KIF26B: variants seen among roughly 807,000 people sequenced by gnomAD.
KIF26B encodes the protein kinesin-like protein KIF26B.
Under a neutral mutation model 151.2 loss-of-function variants are expected in KIF26B, and 63 were observed. That is an observed-to-expected ratio of 0.42 (90% confidence interval 0.34 to 0.51). The LOEUF (loss-of-function observed/expected upper bound fraction) is 0.51, where lower values mean the gene tolerates loss of function less well. Ranked by LOEUF, KIF26B falls within the 20% of genes least tolerant of loss-of-function variation. The pLI is 0.07. For missense variants in KIF26B, 2,813 were observed against 2,913.6 expected (o/e 0.97, Z 0.79); for synonymous variants, 1,357 against 1,262.1 (o/e 1.08, Z -1.59).
At chr1:245,322,797 A>G (rs1200629924) in intron 2 of KIF26B, among the ~76,000 whole-genome samples, 1 of 152,240 alleles carries the variant, frequency 6.6e-6, no homozygotes, top group Admixed American at 6.5e-5. Context: ...TTAAAAAGGT[A>G]ACCGAGGGTC....
chr1:245,472,742 T>G (rs2103064610), intron 4 of KIF26B, among the ~76,000 whole-genome samples: 1 of 152,346 alleles, frequency 6.6e-6, no homozygotes, highest in South Asian at 2.1e-4. Flanking sequence ...GAACTCCTTC[T>G]TACTTTTCAA....
chr1:245,549,431 A>G (rs1023246699), intron 5 of KIF26B, among the ~76,000 whole-genome samples: 1 of 152,244 alleles, frequency 6.6e-6, no homozygotes, highest in Non-Finnish European at 1.5e-5. Context: ...CAGCACAATT[A>G]GACCATTACT....
At chr1:245,406,443 AGTTTC>A (rs1674136928) in intron 3 of KIF26B, among the ~76,000 whole-genome samples, 1 of 152,122 alleles carries the variant, frequency 6.6e-6, no homozygotes, top group African/African-American at 2.4e-5. Flanking sequence ...TTGCCTTGAA[AGTTTC>A]CCAAGCATTA....
chr1:245,635,215 T>C lies in KIF26B; in HGVS notation c.2099-10906T>C, dbSNP rs1002555729. 1.3e-5 allele frequency among the ~76,000 whole-genome samples: 2 copies of C among 151,858 alleles called. 1 individual carries two copies. On this transcript the variant is annotated intron_variant, in intron 9 of 14. Coordinates refer to ENST00000407071, the MANE Select transcript of KIF26B (RefSeq NM_018012.4). ...AAGACTTTGAGTAGAACTGTTATTA[T>C]TTCTTCCTTAAATGGTGGGTAGAAT...
intron 2 of KIF26B, among the ~76,000 whole-genome samples, chr1:245,284,193 G>A (rs1428711204): frequency 2.0e-5 from 3 of 151,986 alleles, no homozygotes; most frequent in African/African-American, 4.8e-5. Flanking sequence ...TTTTATCAAT[G>A]GTATATAGTA....
chr1:245,697,259 C>G (rs2044707524), intron 12 of KIF26B, among the ~76,000 whole-genome samples: 1 of 152,208 alleles, frequency 6.6e-6, no homozygotes, highest in African/African-American at 2.4e-5. Flanking sequence ...CGTCAGTCCC[C>G]TGTACCATGC....
chr1:245,405,524 A>G (rs1160201884), intron 3 of KIF26B, among the ~76,000 whole-genome samples: 1 of 152,144 alleles, frequency 6.6e-6, no homozygotes, highest in Non-Finnish European at 1.5e-5. Flanking sequence ...TCATTTGGGT[A>G]GAACTGAGCC....
At chr1:245,531,341 C>T (rs1325809762) in intron 4 of KIF26B, among the ~76,000 whole-genome samples, 1 of 152,098 alleles carries the variant, frequency 6.6e-6, no homozygotes, top group Non-Finnish European at 1.5e-5. Context: ...AGGATGGAAA[C>T]ACGAATGCAA....
At chr1:245,635,319 C>T (rs2043823501) in intron 9 of KIF26B, among the ~76,000 whole-genome samples, 1 of 151,894 alleles carries the variant, frequency 6.6e-6, no homozygotes, top group Non-Finnish European at 1.5e-5. Context: ...TTTAATGAAT[C>T]TAGGGCCATT....
chr1:245,455,540 A>G (rs771112557), intron 4 of KIF26B, among the ~76,000 whole-genome samples: 3 of 152,172 alleles, frequency 2.0e-5, no homozygotes, highest in Non-Finnish European at 2.9e-5. Flanking sequence ...AACACACAAA[A>G]AAACATACTG....
chr1:245,367,283 T>C lies in KIF26B; in HGVS notation c.915T>C (p.Asn305=), dbSNP rs577512351. 12 of 1,600,504 alleles carry C rather than the reference T, an allele frequency of 7.5e-6. No homozygotes were observed. The African/African-American group carries it at 1.5e-4, about 20-fold the overall frequency. The change falls in exon 3 of 15, where the codon AAT becomes AAC. Residue 305 remains asparagine (N), a synonymous_variant. Transcript: ENST00000407071. This position sits in a 1 kb window ranked among gnomAD's most constrained non-coding sequence, Gnocchi z 4.2. ...GTCCAAGCAATGGGAACATCCTCAA[T>C]TCGGTGGCCATCCAGGCTCACCAGT... ...ATSPSNGNIL[N]SVAIQAHQYL... is the part of the protein sequence containing the mutation.
intron 2 of KIF26B, among the ~76,000 whole-genome samples, chr1:245,258,470 A>C (rs929713110): frequency 2.6e-5 from 4 of 152,182 alleles, no homozygotes; most frequent in African/African-American, 9.7e-5. Context: ...GTGGGCAAAC[A>C]GTGGTGTTGG....
At chr1:245,600,291 G>T in intron 5 of KIF26B, among the ~76,000 whole-genome samples, 1 of 142,564 alleles carries the variant, frequency 7.0e-6, no homozygotes, top group Middle Eastern at 3.5e-3. Context: ...GCCCGCCTCG[G>T]CCTCCCAAAG....
chr1:245,451,676 C>T (rs1293294019), intron 4 of KIF26B, among the ~76,000 whole-genome samples: 1 of 133,946 alleles, frequency 7.5e-6, no homozygotes, highest in African/African-American at 2.8e-5. Flanking sequence ...TCTCAGCTTA[C>T]TGCAACCTCT....
rs373968881 is a variant in KIF26B at position 245,686,415 on chromosome 1, C to T, written c.3432C>T (p.Ser1144=). ...QVLKKSMSAG[S]EGFPETPVDD... ...TGAAAAAATCCATGTCTGCTGGGAGCGAAGGGTTCCCGGAAACTCCTGTCG... is the reference window on the plus strand; with the variant it reads ...TGAAAAAATCCATGTCTGCTGGGAGTGAAGGGTTCCCGGAAACTCCTGTCG... Residue 1144 remains serine, a synonymous_variant, in exon 12 of 15, where the codon AGC becomes AGT. Coordinates refer to ENST00000407071, the MANE Select transcript of KIF26B (RefSeq NM_018012.4). This position sits in a 1 kb window ranked among gnomAD's most constrained non-coding sequence, Gnocchi z 5.6. 29 of 1,613,310 alleles carry T rather than the reference C, an allele frequency of 1.8e-5. No individual in the cohort carries two copies. Among genetic ancestry groups the T allele is most frequent in the African/African-American group, 1.5e-4 (11 of 74,912 alleles).
chr1:245,386,119 T>C (rs1357295767), intron 3 of KIF26B, among the ~76,000 whole-genome samples: 2 of 152,024 alleles, frequency 1.3e-5, no homozygotes, highest in African/African-American at 4.8e-5. Context: ...CACACACCTG[T>C]AATCCCAGCT....
Position 245,159,410 on chromosome 1 carries a change from T to C in KIF26B, c.465+2727T>C, listed in dbSNP as rs539525258. 3.3e-5 allele frequency among the ~76,000 whole-genome samples: 5 copies of C among 152,280 alleles called. No homozygotes were observed. In the East Asian group the frequency reaches 9.6e-4, roughly 29 times the overall value. On this transcript the variant is annotated intron_variant, in intron 2 of 14. Transcript: ENST00000407071. ...TACTTTGTGACATTGGGTAAATTAG[T>C]TTTCCTCTCTACTTTTTAACTTTCC...
At chr1:245,588,925 G>C (rs1025148160) in intron 5 of KIF26B, among the ~76,000 whole-genome samples, 2 of 152,204 alleles carry the variant, frequency 1.3e-5, no homozygotes, top group Non-Finnish European at 2.9e-5. Context: ...GAATGAGAAT[G>C]AAAGTATCTA....
intron 4 of KIF26B, among the ~76,000 whole-genome samples, chr1:245,457,063 A>G (rs2103055797): frequency 6.6e-6 from 1 of 152,282 alleles, no homozygotes; most frequent in East Asian, 1.9e-4. Context: ...ATGGGGTTTC[A>G]CCACGTTGGC....
Sources: allele counts gnomAD v4.1 joint callset (sites outside exome capture counted in the v4.1 genomes callset), GRCh38; gene constraint gnomAD v4.1.1; non-coding constraint Gnocchi (gnomAD v3.1); transcripts MANE v1.5; gene names NCBI Gene and HGNC (gene_info 2026-07-23, HGNC 2026-07-21).